The following DNAH17 variants were observed in gnomAD, a reference collection of about 807,000 sequenced individuals.
DNAH17 encodes axonemal beta dynein heavy chain 17.
In DNAH17, 376 loss-of-function variants were observed where a neutral mutation model predicts 485.6. The ratio of observed to expected loss-of-function variants is 0.77; its 90% CI spans 0.71 to 0.84. The LOEUF (loss-of-function observed/expected upper bound fraction) is 0.84, where lower values mean the gene tolerates loss of function less well. DNAH17 is among the 40% of genes least tolerant of loss of function. The probability of loss-of-function intolerance (pLI) is 0.00; values close to 1 mark genes in which losing one functional copy is unlikely to be tolerated. For missense variants in DNAH17, 6,370 were observed against 5,839.3 expected (o/e 1.09, Z -2.96); for synonymous variants, 3,031 against 2,405.9 (o/e 1.26, Z -7.60).
chr17:78,526,365 G>C (rs150971905), intron 24 of DNAH17, among the ~76,000 whole-genome samples: 1 of 152,182 alleles, frequency 6.6e-6, no homozygotes, highest in Admixed American at 6.5e-5. Flanking sequence ...GGTCACACAG[G>C]GTGTTAAGGG....
At chr17:78,467,959 A>T (rs2088556750) in intron 55 of DNAH17, among the ~76,000 whole-genome samples, 1 of 151,014 alleles carries the variant, frequency 6.6e-6, no homozygotes, top group Non-Finnish European at 1.5e-5. Context: ...CAGAGGTTGC[A>T]GTGAGCTAAG....
In DNAH17 at chr17:78,555,858, C is replaced by A. The variant is rs534249073; in HGVS notation, c.2178+2250G>T. Among the ~76,000 whole-genome samples the A allele has an allele frequency of 2.1e-4, 32 of 152,296 alleles. No homozygotes were observed. In the East Asian group the frequency reaches 6.2e-3, roughly 29 times the overall value. On this transcript the variant is annotated intron_variant, in intron 14 of 80. Transcript: ENST00000389840. The stretch of plus-strand genomic sequence containing the variant: ...AAAAGGCGGAGGAAGGAGGAATTCA[C>A]CCCTTGTTTCTGCCTCATGGCCTGA...
At chr17:78,556,979 G>C (rs373824254) in intron 14 of DNAH17, among the ~76,000 whole-genome samples, 14 of 152,304 alleles carry the variant, frequency 9.2e-5, no homozygotes, top group African/African-American at 1.9e-4. Flanking sequence ...CCTCGTGCCA[G>C]GAAGGAGGTG....
chr17:78,571,896 T>A, intron 3 of DNAH17, 114 bp from the exon 4 acceptor site: 1 of 1,029,562 alleles, frequency 9.7e-7, no homozygotes, highest in Non-Finnish European at 1.4e-6. Context: ...AGCAGCACCG[T>A]CTGGTCTCAT....
chr17:78,467,835 T>C lies in DNAH17; in HGVS notation c.8778+782A>G, dbSNP rs1408855998. Among the ~76,000 whole-genome samples the C allele has an allele frequency of 2.0e-5, 3 of 152,076 alleles. No individual in the cohort carries two copies. The East Asian group carries it at 5.8e-4, about 29-fold the overall frequency. On this transcript the variant is annotated intron_variant, in intron 55 of 80. Coordinates refer to ENST00000389840, the MANE Select transcript of DNAH17 (RefSeq NM_173628.4). ...GAGTTCAAGACCAGCCTGGCCACCA[T>C]GGTGAAATGCTGTCTCTACTAAAAA...
At chr17:78,456,684 G>A (rs562070126) in intron 62 of DNAH17, among the ~76,000 whole-genome samples, 2 of 152,216 alleles carry the variant, frequency 1.3e-5, no homozygotes, top group Admixed American at 6.5e-5. Context: ...CATGTTTGTT[G>A]CAAGTCCAGG....
Position 78,432,907 on chromosome 17 carries a change from C to CT in DNAH17, c.12225+1121_12225+1122insA, listed in dbSNP as rs1025225509. Among the ~76,000 whole-genome samples the CT allele has an allele frequency of 1.3e-4, 16 of 118,760 alleles. 2 individuals carry two copies. The highest frequency in any genetic ancestry group is 4.0e-4 in the African/African-American group (12 of 29,792). The allele number at this position is 118,760 out of a possible 152,430, so 77.9% of individuals were successfully genotyped here. ...GCAGAGCAGGCTTCAAACGTGCCCC[C>CT]CCCCCCCGACCCCGGTGCCAGCACC... On this transcript the variant is annotated intron_variant, in intron 75 of 80. Coordinates refer to ENST00000389840, the MANE Select transcript of DNAH17 (RefSeq NM_173628.4).
At chr17:78,498,154 C>CATAAATAA (rs148513000) in intron 37 of DNAH17, among the ~76,000 whole-genome samples, 37 of 146,694 alleles carry the variant, frequency 2.5e-4, no homozygotes, top group Middle Eastern at 3.5e-3. Flanking sequence ...AAAAACAAAA[C>CATAAATAA]ATAAATAAAT....
intron 16 of DNAH17, among the ~76,000 whole-genome samples, chr17:78,549,855 C>T (rs1480065861): frequency 2.0e-5 from 3 of 152,152 alleles, no homozygotes; most frequent in African/African-American, 4.8e-5. Context: ...GCACCTGCTG[C>T]GGCCCCTGCT....
chr17:78,509,575 A>G (rs900740924), intron 27 of DNAH17, among the ~76,000 whole-genome samples: 1 of 152,128 alleles, frequency 6.6e-6, no homozygotes, highest in African/African-American at 2.4e-5. Context: ...GACAATTCAA[A>G]CTCACAAAAC....
intron 37 of DNAH17, 130 bp from the exon 38 acceptor site, chr17:78,496,162 T>C: frequency 9.6e-7 from 1 of 1,044,890 alleles, no homozygotes; most frequent in Non-Finnish European, 1.3e-6. Flanking sequence ...CTAGTTTATT[T>C]TTTAAATTAA....
chr17:78,483,386 T>G (rs9302878), intron 48 of DNAH17, among the ~76,000 whole-genome samples: 114,137 of 151,974 alleles, frequency 0.75, 43,006 homozygotes, highest in Admixed American at 0.82. Flanking sequence ...TCCCAGCACT[T>G]TGGGAGCCCG....
At chr17:78,446,608 T>C (rs959370963) in intron 69 of DNAH17, among the ~76,000 whole-genome samples, 9 of 151,216 alleles carry the variant, frequency 6.0e-5, no homozygotes, top group Non-Finnish European at 1.3e-4. Flanking sequence ...GTGAATTGAT[T>C]AGCTTTGCTG....
At chr17:78,510,010 C>T (rs658113) in intron 27 of DNAH17, among the ~76,000 whole-genome samples, 56,552 of 151,842 alleles carry the variant, frequency 0.37, 11,087 homozygotes, top group East Asian at 0.54. Flanking sequence ...GGTGAAACCC[C>T]GCCTCTACTA....
At chr17:78,543,661 G>A (rs1238286117) in intron 17 of DNAH17, 196 bp downstream of exon 17, 13 of 755,202 alleles carry the variant, frequency 1.7e-5, no homozygotes, top group Middle Eastern at 2.8e-4. Context: ...CTGACATTAG[G>A]TGATCCGCCC....
chr17:78,452,946 T>C (rs1312531071), intron 65 of DNAH17, among the ~76,000 whole-genome samples: 1 of 146,816 alleles, frequency 6.8e-6, no homozygotes, highest in Non-Finnish European at 1.5e-5. Flanking sequence ...ACTGGACAGA[T>C]GTGTTTGTAC....
intron 37 of DNAH17, chr17:78,496,962 A>G (rs1053838297): frequency 2.6e-5 from 4 of 152,070 alleles, no homozygotes; most frequent in Admixed American, 6.6e-5. Context: ...GTGAGCCACC[A>G]CGCCCGGCCC....
At chr17:78,460,943 G>A (rs1430838369) in intron 58 of DNAH17, among the ~76,000 whole-genome samples, 1 of 152,150 alleles carries the variant, frequency 6.6e-6, no homozygotes, top group African/African-American at 2.4e-5. Flanking sequence ...TTACACAGAT[G>A]TAGGACTGAT....
intron 13 of DNAH17, 81 bp from the exon 14 acceptor site, chr17:78,558,335 T>C: frequency 6.6e-7 from 1 of 1,504,168 alleles, no homozygotes; most frequent in East Asian, 2.4e-5. Context: ...AATGAGCATC[T>C]GCCCTGGGAT....
Sources: allele counts gnomAD v4.1 joint callset (sites outside exome capture counted in the v4.1 genomes callset), GRCh38; gene constraint gnomAD v4.1.1; transcripts MANE v1.5; gene names NCBI Gene and HGNC (gene_info 2026-07-23, HGNC 2026-07-21).